KCNK2: variants seen among roughly 807,000 people sequenced by gnomAD.
KCNK2 encodes the protein potassium channel subfamily K member 2.
Under a neutral mutation model 40.5 loss-of-function variants are expected in KCNK2, and 21 were observed. The ratio of observed to expected loss-of-function variants is 0.52; its 90% CI spans 0.37 to 0.75. KCNK2 has a LOEUF of 0.75. Among genes scored for constraint, KCNK2 ranks in the 30% least tolerant of loss-of-function variants. The pLI is 0.00. For missense variants in KCNK2, 399 were observed against 531.6 expected, an observed-to-expected ratio of 0.75 and a Z score of 2.45; for synonymous variants, 191 against 202.2, an observed-to-expected ratio of 0.94 and a Z score of 0.47.
chr1:215,139,919 A>G (rs1321736985), intron 3 of KCNK2, among the ~76,000 whole-genome samples: 1 of 152,202 alleles, frequency 6.6e-6, no homozygotes, highest in Non-Finnish European at 1.5e-5. Flanking sequence ...TGTATAAAAA[A>G]GGGAAATAAC....
At chr1:215,101,891 T>C (rs1488113322) in intron 2 of KCNK2, among the ~76,000 whole-genome samples, 1 of 152,030 alleles carries the variant, frequency 6.6e-6, no homozygotes, top group African/African-American at 2.4e-5. Flanking sequence ...TACCTAATAG[T>C]AGATAATGAC....
chr1:215,139,347 G>A (rs1416304849), intron 3 of KCNK2, among the ~76,000 whole-genome samples: 1 of 152,128 alleles, frequency 6.6e-6, no homozygotes, highest in Non-Finnish European at 1.5e-5. Flanking sequence ...ATAATAAGAG[G>A]TCATGAAATT....
At chr1:215,017,151 A>G (rs1410126437) in intron 1 of KCNK2, among the ~76,000 whole-genome samples, 1 of 152,196 alleles carries the variant, frequency 6.6e-6, no homozygotes, top group Non-Finnish European at 1.5e-5. Context: ...GGGAATGTGT[A>G]TAAGTACAGC....
chr1:215,006,677 TGTCATATA>T (rs1656138362), intron 1 of KCNK2, among the ~76,000 whole-genome samples: 1 of 152,104 alleles, frequency 6.6e-6, no homozygotes, highest in Non-Finnish European at 1.5e-5. Flanking sequence ...CTTTAGTGCC[TGTCATATA>T]GTATGTACTA....
At chr1:215,090,596 G>T (rs1293109859) in intron 2 of KCNK2, among the ~76,000 whole-genome samples, 1 of 152,150 alleles carries the variant, frequency 6.6e-6, no homozygotes, top group African/African-American at 2.4e-5. Flanking sequence ...ACCAGTAGAG[G>T]ATGGTCACAT....
intron 1 of KCNK2, among the ~76,000 whole-genome samples, chr1:215,076,117 C>A (rs1658919605): frequency 6.6e-6 from 1 of 152,198 alleles, no homozygotes; most frequent in African/African-American, 2.4e-5. Flanking sequence ...TGTCCAACTC[C>A]CTTCTCATTA....
intron 1 of KCNK2, among the ~76,000 whole-genome samples, chr1:215,011,289 G>A (rs893021013): frequency 6.6e-6 from 1 of 151,996 alleles, no homozygotes; most frequent in Non-Finnish European, 1.5e-5. Flanking sequence ...ACAATCTTTT[G>A]AGTCTGATTT....
chr1:215,144,225 G>A (rs1184899415), intron 3 of KCNK2, among the ~76,000 whole-genome samples: 1 of 152,134 alleles, frequency 6.6e-6, no homozygotes, highest in Non-Finnish European at 1.5e-5. Context: ...CAAAATAAAA[G>A]TGTACATGGG....
chr1:215,135,027 C>T (rs1661841059), intron 3 of KCNK2, among the ~76,000 whole-genome samples: 1 of 152,036 alleles, frequency 6.6e-6, no homozygotes, highest in Admixed American at 6.6e-5. Flanking sequence ...CTGTAGACAA[C>T]TTTGTGAAGC....
chr1:215,136,912 C>T (rs1456711002), intron 3 of KCNK2, among the ~76,000 whole-genome samples: 1 of 152,152 alleles, frequency 6.6e-6, no homozygotes, highest in East Asian at 1.9e-4. Flanking sequence ...AGTCATTTAA[C>T]ATGATAAAAA....
At chr1:215,115,227 C>T (rs4531266) in intron 2 of KCNK2, among the ~76,000 whole-genome samples, 115,272 of 151,996 alleles carry the variant, frequency 0.76, 44,083 homozygotes, top group African/African-American at 0.78. Flanking sequence ...TATATAGGTA[C>T]AAAACACTTT....
At chr1:215,125,790 G>GAA (rs71686553) in intron 3 of KCNK2, among the ~76,000 whole-genome samples, 17 of 125,656 alleles carry the variant, frequency 1.4e-4, no homozygotes, top group Admixed American at 7.5e-4. Context: ...AATAAAATTT[G>GAA]AAAAAAAAAA....
chr1:215,088,937 C>T (rs368117068), intron 2 of KCNK2, among the ~76,000 whole-genome samples: 1 of 152,164 alleles, frequency 6.6e-6, no homozygotes, highest in African/African-American at 2.4e-5. Context: ...TTTACTCTTA[C>T]ACTGTTCACC....
intron 1 of KCNK2, among the ~76,000 whole-genome samples, chr1:215,025,296 T>C (rs1656964499): frequency 6.6e-6 from 1 of 152,100 alleles, no homozygotes; most frequent in African/African-American, 2.4e-5. Context: ...TATAAATTGC[T>C]CCTCCAGGTC....
At chr1:215,213,849 A>C (rs1379863726) in intron 6 of KCNK2, among the ~76,000 whole-genome samples, 1 of 152,186 alleles carries the variant, frequency 6.6e-6, no homozygotes, top group Non-Finnish European at 1.5e-5. Context: ...ATGAAAAGCA[A>C]CTAAGTAAAA....
chr1:215,017,214 T>C (rs1011767463), intron 1 of KCNK2, among the ~76,000 whole-genome samples: 1 of 152,120 alleles, frequency 6.6e-6, no homozygotes, highest in Non-Finnish European at 1.5e-5. Flanking sequence ...AGAGCTATCA[T>C]ATGATCCAGA....
rs545981550 is a variant in KCNK2 at position 215,105,873 on chromosome 1, A to C, written c.358-18760A>C. ...TGGTTCTCTGTTTCTGCATTAGTTT[A>C]CTGAGGATAGTGAGTAAGCTGTGTC... On this transcript the variant is annotated intron_variant, in intron 2 of 6. Coordinates refer to ENST00000444842, the MANE Select transcript of KCNK2 (RefSeq NM_001017425.3). Among the ~76,000 whole-genome samples, 3 of 152,128 alleles carry C rather than the reference A, an allele frequency of 2.0e-5. No individual in the cohort carries two copies. The South Asian group carries it at 6.2e-4, about 32-fold the overall frequency.
chr1:215,024,867 G>A (rs529500519), intron 1 of KCNK2, among the ~76,000 whole-genome samples: 1 of 151,440 alleles, frequency 6.6e-6, no homozygotes, highest in Non-Finnish European at 1.5e-5. Context: ...TTAATAGCCT[G>A]TGGACTAAAC....
At chr1:215,203,091 G>A (rs1052266269) in intron 6 of KCNK2, among the ~76,000 whole-genome samples, 7 of 151,368 alleles carry the variant, frequency 4.6e-5, no homozygotes, top group African/African-American at 1.7e-4. Context: ...TCAGAAACCT[G>A]TGCCCAAGGC....
Sources: gnomAD v4.1 joint callset for allele counts (sites outside exome capture counted in the v4.1 genomes callset) on GRCh38, gnomAD v4.1.1 for gene constraint, MANE v1.5 for transcripts, NCBI Gene and HGNC (gene_info 2026-07-23, HGNC 2026-07-21) for gene names.